RHEX: variants seen among roughly 807,000 people sequenced by gnomAD.
The protein encoded by RHEX is regulator of hemoglobinization and erythroid cell expansion protein.
Under a neutral mutation model 20.1 loss-of-function variants are expected in RHEX, and 18 were observed. The ratio of observed to expected loss-of-function variants is 0.90; its 90% CI spans 0.62 to 1.33. RHEX has a LOEUF of 1.33. Among genes scored for constraint, RHEX ranks in the 40% most tolerant of loss-of-function variants. The pLI, the probability that RHEX is intolerant of heterozygous loss-of-function variation, is 0.00. For synonymous variants in RHEX, 87 were observed against 77.1 expected, an observed-to-expected ratio of 1.13 and a Z score of -0.67; for missense variants, 192 against 214.3, an observed-to-expected ratio of 0.90 and a Z score of 0.65.
intron 1 of RHEX, among the ~76,000 whole-genome samples, chr1:206,075,349 G>T (rs1312520547): frequency 1.3e-5 from 2 of 152,210 alleles, no homozygotes; most frequent in South Asian, 2.1e-4. Context: ...TGTATGAAAA[G>T]AGTGGATCAT....
At chr1:206,063,744 A>G (rs571184447) in intron 1 of RHEX, among the ~76,000 whole-genome samples, 1 of 151,820 alleles carries the variant, frequency 6.6e-6, no homozygotes, top group South Asian at 2.1e-4. Flanking sequence ...GCTGGCTACA[A>G]CCTCCACCTC....
In RHEX at chr1:206,067,996, T is replaced by G. The variant is rs1389793513; in HGVS notation, c.-97+14731T>G. On this transcript the variant is annotated intron_variant, in intron 1 of 5. Coordinates refer to ENST00000331555, the MANE Select transcript of RHEX (RefSeq NM_001007544.4). This position sits in a 1 kb window ranked among gnomAD's most constrained non-coding sequence, Gnocchi z 4.6. ...ATGGCTCCATTCCACTTACGGGGAC[T>G]GGAGTGGGGAGGAGAAAGTAGAAAG... Among the ~76,000 whole-genome samples, 1 of 152,120 alleles carries G rather than the reference T, an allele frequency of 6.6e-6. No homozygotes were observed. Among genetic ancestry groups the G allele is most frequent in the East Asian group, 1.9e-4 (1 of 5,204 alleles).
At position 206,101,166 on chromosome 1, in the gene RHEX, A is replaced by T. The variant is rs782802471; in HGVS notation, c.287A>T (p.Asp96Val). The T allele has an allele frequency of 1.2e-6, 2 of 1,613,104 alleles. No individual in the cohort carries two copies. The highest frequency in any genetic ancestry group is 1.7e-6 in the Non-Finnish European group (2 of 1,179,686). The change falls in exon 5 of 6, where the codon GAT becomes GTT. Residue 96 changes from aspartate (D) to valine (V), a missense_variant. Coordinates refer to ENST00000331555, the MANE Select transcript of RHEX (RefSeq NM_001007544.4). ...HDSDTPSDSL[D>V]SSCSSPPACQ... ...AGCGACACACCCTCAGATAGCTTGG[A>T]TAGCTCCTGCAGTTCGCCTCCTGCC...
In RHEX at chr1:206,101,287, T is replaced by C. The variant is rs1663181725; in HGVS notation, c.318+90T>C. ...CTGAAAACTCAAGTTACCCCAGCTATGTAGTGGGAGCAAGAAAAGAGGGTT... is the reference window on the plus strand; with the variant it reads ...CTGAAAACTCAAGTTACCCCAGCTACGTAGTGGGAGCAAGAAAAGAGGGTT... On this transcript the variant is annotated intron_variant, in intron 5 of 5. Transcript: ENST00000331555. 3 of 1,014,364 alleles carry C rather than the reference T, an allele frequency of 3.0e-6. No individual in the cohort carries two copies. In the Admixed American group the frequency reaches 6.6e-5, roughly 22 times the overall value. 62.8% of individuals were successfully genotyped at this position (1,014,364 alleles called of 1,614,324 possible).
chr1:206,086,531 C>A lies in RHEX; in HGVS notation c.-96-11202C>A, dbSNP rs192535721. Among the ~76,000 whole-genome samples, 270 of 152,310 alleles carry A rather than the reference C, an allele frequency of 1.8e-3. 2 individuals carry two copies. Among genetic ancestry groups the A allele is most frequent in the Admixed American group, 6.3e-3 (96 of 15,300 alleles). Reference sequence around the variant, plus strand: ...TGTGGTGAAGGCTCTGGCCTCAAACCATCTGTGTCTGAATTATGTCCCCTC... The same window carrying A: ...TGTGGTGAAGGCTCTGGCCTCAAACAATCTGTGTCTGAATTATGTCCCCTC... On this transcript the variant is annotated intron_variant, in intron 1 of 5. Coordinates refer to ENST00000331555, the MANE Select transcript of RHEX (RefSeq NM_001007544.4).
intron 1 of RHEX, chr1:206,061,174 G>A (rs569640458): frequency 8.5e-5 from 13 of 152,218 alleles, no homozygotes; most frequent in East Asian, 1.9e-4. Context: ...ATTATAAAGC[G>A]TACTCATTTC....
intron 1 of RHEX, among the ~76,000 whole-genome samples, chr1:206,063,516 G>C (rs919527781): frequency 6.6e-6 from 1 of 152,176 alleles, no homozygotes; most frequent in Non-Finnish European, 1.5e-5. Context: ...CTCAGCCTGC[G>C]GAGTGCCTGC....
At chr1:206,053,819 C>A (rs1662119535) in intron 1 of RHEX, among the ~76,000 whole-genome samples, 1 of 152,206 alleles carries the variant, frequency 6.6e-6, no homozygotes, top group Non-Finnish European at 1.5e-5. Context: ...GCTTTTATAC[C>A]CCCTTGCCCC....
intron 1 of RHEX, among the ~76,000 whole-genome samples, chr1:206,092,354 G>T (rs1173662626): frequency 6.6e-6 from 1 of 152,094 alleles, no homozygotes; most frequent in Admixed American, 6.5e-5. Context: ...ATTTATATTT[G>T]TCTTATCTAG....
chr1:206,079,411 T>A (rs1662696187), intron 1 of RHEX, among the ~76,000 whole-genome samples: 1 of 152,082 alleles, frequency 6.6e-6, no homozygotes, highest in Admixed American at 6.5e-5. Context: ...AGCTTTAAAT[T>A]AAGGAAATAA....
intron 1 of RHEX, among the ~76,000 whole-genome samples, chr1:206,062,444 C>G (rs879968923): frequency 1.3e-5 from 2 of 152,154 alleles, no homozygotes; most frequent in Admixed American, 6.5e-5. Context: ...GCAAAAGGGC[C>G]GAGGAGGGGG....
intron 1 of RHEX, among the ~76,000 whole-genome samples, chr1:206,086,597 G>A (rs1662845483): frequency 6.6e-6 from 1 of 152,132 alleles, no homozygotes; most frequent in Admixed American, 6.5e-5. Context: ...TGTAAAATTG[G>A]GAGAACAATA....
At chr1:206,077,274 T>G (rs529169759) in intron 1 of RHEX, among the ~76,000 whole-genome samples, 1 of 152,278 alleles carries the variant, frequency 6.6e-6, no homozygotes, top group East Asian at 1.9e-4. Flanking sequence ...ATGTCTAAGC[T>G]CTTTATATAT....
At chr1:206,070,068 T>C (rs1662498216) in intron 1 of RHEX, among the ~76,000 whole-genome samples, 1 of 151,986 alleles carries the variant, frequency 6.6e-6, no homozygotes, top group South Asian at 2.1e-4. Flanking sequence ...AGAATTAGTC[T>C]TTGTGGGTTT....
rs781861453 is a variant in RHEX, at chr1:206,101,751, G to A, written c.319-1G>A. ...CCACATGTCTCTGCTTTTCTCCTAA[G>A]GCCACAGAGGATGTGGATTACACAC... On this transcript the variant is annotated splice_acceptor_variant, in intron 5 of 5. Transcript: ENST00000331555. LOFTEE classifies it high-confidence loss of function. 47 of 1,610,862 alleles carry A rather than the reference G, an allele frequency of 2.9e-5. No individual in the cohort carries two copies. The Middle Eastern group carries it at 8.2e-4, about 28-fold the overall frequency.
chr1:206,057,410 C>G (rs1571848665), intron 1 of RHEX, among the ~76,000 whole-genome samples: 1 of 152,258 alleles, frequency 6.6e-6, no homozygotes, highest in Non-Finnish European at 1.5e-5. Context: ...AAAGGATTTA[C>G]TCATCCTGTA....
intron 1 of RHEX, among the ~76,000 whole-genome samples, chr1:206,076,447 T>G (rs1328560307): frequency 1.3e-5 from 2 of 152,264 alleles, no homozygotes; most frequent in African/African-American, 4.8e-5. Context: ...ATTACAGGCA[T>G]AAGCCACTGC....
intron 1 of RHEX, among the ~76,000 whole-genome samples, chr1:206,063,053 G>A (rs537600512): frequency 1.2e-4 from 18 of 152,296 alleles, no homozygotes; most frequent in Non-Finnish European, 1.9e-4. Context: ...GTAAGAGTGG[G>A]TTGCTAGTTT....
chr1:206,097,087 G>C (rs945157509), intron 1 of RHEX, among the ~76,000 whole-genome samples: 1 of 152,168 alleles, frequency 6.6e-6, no homozygotes, highest in African/African-American at 2.4e-5. Flanking sequence ...AGACACTTTT[G>C]ACTGAGCTTT....
Sources: gnomAD v4.1 joint callset for allele counts (sites outside exome capture counted in the v4.1 genomes callset) on GRCh38, gnomAD v4.1.1 for gene constraint, Gnocchi (gnomAD v3.1) non-coding constraint, MANE v1.5 for transcripts, NCBI Gene and HGNC (gene_info 2026-07-23, HGNC 2026-07-21) for gene names.